Variants in YEATS2 observed in about 807,000 individuals in gnomAD.
YEATS2 encodes the protein YEATS domain containing 2.
Under a neutral mutation model 163.2 loss-of-function variants are expected in YEATS2, and 77 were observed. That is an observed-to-expected ratio of 0.47 (90% CI 0.39 to 0.57). The LOEUF (loss-of-function observed/expected upper bound fraction) is 0.57, where lower values mean the gene tolerates loss of function less well. YEATS2 is among the 20% of genes least tolerant of loss of function. YEATS2 has a pLI of 0.00. For synonymous variants in YEATS2, 631 were observed against 645.1 expected (o/e 0.98, Z 0.33); for missense variants, 1,549 against 1,729.8 (o/e 0.90, Z 1.85).
chr3:183,767,407 G>A (rs968792383), intron 15 of YEATS2, among the ~76,000 whole-genome samples: 13 of 150,258 alleles, frequency 8.7e-5, no homozygotes, highest in Admixed American at 8.6e-4. Context: ...TTGAGCTGGA[G>A]TCTTGCACTG....
rs1721346092 is a variant in YEATS2, at chr3:183,761,503, A to ACAGCAG, written c.1657-3_1659dup. 1 of 1,613,298 alleles carries ACAGCAG rather than the reference A, an allele frequency of 6.2e-7. No individual in the cohort carries two copies. ...TTGTAAAATATGTATTTTTACACAC[A>ACAGCAG]CAGCAGGAGGATTCTTTGTTTGCAT... On this transcript the variant is annotated splice_region_variant and splice_polypyrimidine_tract_variant and intron_variant, in intron 13 of 30. Coordinates refer to ENST00000305135, the MANE Select transcript of YEATS2 (RefSeq NM_018023.5).
At chr3:183,740,868 AGAG>A (rs1718879803) in intron 8 of YEATS2, among the ~76,000 whole-genome samples, 1 of 152,230 alleles carries the variant, frequency 6.6e-6, no homozygotes, top group Admixed American at 6.5e-5. Flanking sequence ...TCATAGCTAG[AGAG>A]GAGAAGTCAA....
chr3:183,728,056 A>T (rs1467401296), intron 6 of YEATS2, among the ~76,000 whole-genome samples: 1 of 151,618 alleles, frequency 6.6e-6, no homozygotes, highest in Non-Finnish European at 1.5e-5. Context: ...ATTTTATTTT[A>T]GTTCATTAAT....
At chr3:183,759,041 G>A in intron 13 of YEATS2, 76 bp downstream of exon 13, 1 of 1,036,788 alleles carries the variant, frequency 9.6e-7, no homozygotes, top group Non-Finnish European at 1.4e-6. Context: ...TTTTCAAATG[G>A]AGATGGGGTC....
chr3:183,740,729 A>T (rs1310430691), intron 8 of YEATS2, among the ~76,000 whole-genome samples: 1 of 152,248 alleles, frequency 6.6e-6, no homozygotes, highest in African/African-American at 2.4e-5. Context: ...GCAAGTGCTG[A>T]TGGAGAAGCT....
Position 183,810,925 on chromosome 3 carries a change from C to T in YEATS2, c.*342C>T, listed in dbSNP as rs924886577. The T allele has an allele frequency of 4.1e-5, 9 of 216,980 alleles. No individual in the cohort carries two copies. Among genetic ancestry groups the T allele is most frequent in the African/African-American group, 1.2e-4 (5 of 43,444 alleles). The allele number at this position is 216,980 out of a possible 1,614,324, so 13.4% of individuals were successfully genotyped here. A position where few individuals can be genotyped will look rare whatever the true frequency, so the allele number is the denominator to read the frequency against. ...TGTGCTTAAGGGGGCTCCTTGGGCC[C>T]GCCTCCCCAGGAGGTAGAAAATGAG... On this transcript the variant is annotated 3_prime_UTR_variant, in exon 31 of 31. Coordinates refer to ENST00000305135, the MANE Select transcript of YEATS2 (RefSeq NM_018023.5).
chr3:183,753,576 C>T (rs1000381883), intron 10 of YEATS2, among the ~76,000 whole-genome samples: 5 of 152,084 alleles, frequency 3.3e-5, no homozygotes, highest in African/African-American at 7.2e-5. Flanking sequence ...GGCAAAACCC[C>T]GTCTCTACTA....
chr3:183,722,077 G>A lies in YEATS2; in HGVS notation c.478G>A (p.Asp160Asn). ...TGACAAAGATAATAACAGCAATATG[G>A]ATATAGAGGAAAGACTCTCAAACAA... ...LSDKDNNSNM[D>N]IEERLSNNME... is the part of the protein sequence containing the mutation. The change falls in exon 5 of 31, where the codon GAT (aspartate) becomes AAT (asparagine). Residue 160 changes from aspartate to asparagine, a missense_variant. Physicochemically the swap from Asp to Asn is conservative, Grantham distance 23. Transcript: ENST00000305135. 1 of 1,613,952 alleles carries A rather than the reference G, an allele frequency of 6.2e-7. No homozygotes were observed. The highest frequency in any genetic ancestry group is 1.1e-5 in the South Asian group (1 of 91,076).
At chr3:183,760,313 A>AGTTTTTTTTTTTTTTTTTTTTTTTTTTTT (rs1283432086) in intron 13 of YEATS2, among the ~76,000 whole-genome samples, 2 of 110,314 alleles carry the variant, frequency 1.8e-5, no homozygotes, top group Non-Finnish European at 1.8e-5. Flanking sequence ...AAACTACAGA[A>AGTTTTTTTTTTTTTTTTTTTTTTTTTTTT]TTTTTTTTTT....
intron 28 of YEATS2, chr3:183,807,381 G>C: frequency 2.7e-6 from 1 of 372,238 alleles, no homozygotes; most frequent in Non-Finnish European, 5.0e-6. Context: ...GATAGAAATG[G>C]TTGATTACTC....
At chr3:183,760,313 A>ATTTT (rs11417378) in intron 13 of YEATS2, among the ~76,000 whole-genome samples, 50 of 110,284 alleles carry the variant, frequency 4.5e-4, no homozygotes, top group Non-Finnish European at 6.0e-4. Flanking sequence ...AAACTACAGA[A>ATTTT]TTTTTTTTTT....
In YEATS2 at chr3:183,801,488, A is replaced by G; in HGVS notation, c.3462A>G (p.Leu1154=). ...ATTTAGAAACTATCCAGCAACTCCT[A>G]ACTGCAGTAGTAAAGAAGATTCCAT... The part of the protein sequence containing the change: ...IDHLETIQQL[L]TAVVKKIPLI... Residue 1154 remains leucine, a synonymous_variant, in exon 25 of 31, where the codon CTA becomes CTG. Coordinates refer to ENST00000305135, the MANE Select transcript of YEATS2 (RefSeq NM_018023.5). 1 of 1,611,366 alleles carries G rather than the reference A, an allele frequency of 6.2e-7. No individual in the cohort carries two copies. The highest frequency in any genetic ancestry group is 8.5e-7 in the Non-Finnish European group (1 of 1,178,720).
chr3:183,759,705 G>T (rs964657374), intron 13 of YEATS2, among the ~76,000 whole-genome samples: 1 of 152,170 alleles, frequency 6.6e-6, no homozygotes, highest in Non-Finnish European at 1.5e-5. Context: ...CTTTACCGTG[G>T]TGCAAAAGCA....
At chr3:183,808,541 G>A (rs537807344) in intron 29 of YEATS2, among the ~76,000 whole-genome samples, 5 of 152,316 alleles carry the variant, frequency 3.3e-5, no homozygotes, top group African/African-American at 1.2e-4. Flanking sequence ...GGATACCTCC[G>A]TAACAACTGC....
Position 183,785,517 on chromosome 3 carries a change from G to C in YEATS2, c.2737-608G>C, listed in dbSNP as rs534645636. On this transcript the variant is annotated intron_variant, in intron 19 of 30. Transcript: ENST00000305135. ...AAAAAAAAAAAAAAAAAATCAACCA[G>C]ATGTGGCACATGCCTGTAATCCCAG... Among the ~76,000 whole-genome samples, 27 of 149,718 alleles carry C rather than the reference G, an allele frequency of 1.8e-4. No individual in the cohort carries two copies. The East Asian group carries it at 5.3e-3, about 29-fold the overall frequency.
At chr3:183,801,648 G>T in intron 25 of YEATS2, 120 bp downstream of exon 25, 1 of 725,868 alleles carries the variant, frequency 1.4e-6, no homozygotes, top group East Asian at 3.0e-5. Context: ...ACCTTATAAG[G>T]TTTCAGCTAG....
chr3:183,725,151 C>T (rs1480233635), intron 6 of YEATS2, among the ~76,000 whole-genome samples: 1 of 149,088 alleles, frequency 6.7e-6, no homozygotes, highest in Non-Finnish European at 1.5e-5. Flanking sequence ...TGTACTGCCT[C>T]TATACTGTGA....
chr3:183,715,003 T>G, intron 1 of YEATS2, 141 bp from the exon 2 acceptor site: 1 of 535,212 alleles, frequency 1.9e-6, no homozygotes, highest in East Asian at 3.0e-5. Context: ...CCCACAGACT[T>G]GCAAGTACCA....
chr3:183,803,437 AAT>A (rs1725884122), intron 26 of YEATS2, 102 bp downstream of exon 26: 2 of 1,135,576 alleles, frequency 1.8e-6, no homozygotes, highest in Non-Finnish European at 2.5e-6. Context: ...TTGATGGCAG[AAT>A]ATTTTCCTCA....
Sources: allele counts gnomAD v4.1 joint callset (sites outside exome capture counted in the v4.1 genomes callset), GRCh38; gene constraint gnomAD v4.1.1; transcripts MANE v1.5; gene names NCBI Gene and HGNC (gene_info 2026-07-23, HGNC 2026-07-21).